PPP2R5C: variants seen among roughly 807,000 people sequenced by gnomAD.
PPP2R5C encodes protein phosphatase 2 regulatory subunit B'gamma, also known as serine/threonine-protein phosphatase 2A 56 kDa regulatory subunit gamma isoform.
In PPP2R5C, 7 loss-of-function variants were observed where a neutral mutation model predicts 68.9. That is an observed-to-expected ratio of 0.10 (90% CI 0.06 to 0.19). The LOEUF (loss-of-function observed/expected upper bound fraction) is 0.19. Among genes scored for constraint, PPP2R5C ranks in the 10% least tolerant of loss-of-function variants. The pLI, the probability that PPP2R5C is intolerant of heterozygous loss-of-function variation, is 1.00. For synonymous variants in PPP2R5C, 210 were observed against 222.2 expected, an observed-to-expected ratio of 0.95 and a Z score of 0.49; for missense variants, 348 against 641.3, an observed-to-expected ratio of 0.54 and a Z score of 4.94.
intron 5 of PPP2R5C, chr14:101,889,829 T>C (rs2044746334): frequency 2.6e-6 from 1 of 378,530 alleles, no homozygotes; most frequent in African/African-American, 2.1e-5. Context: ...TTGGCCTATG[T>C]TGAAATACAG....
At chr14:101,908,264 A>G (rs1566961287) in intron 10 of PPP2R5C, among the ~76,000 whole-genome samples, 1 of 152,258 alleles carries the variant, frequency 6.6e-6, no homozygotes, top group Non-Finnish European at 1.5e-5. Flanking sequence ...CCATGCTGAT[A>G]GCAGTGGAGG....
intron 5 of PPP2R5C, among the ~76,000 whole-genome samples, chr14:101,886,280 CAA>C (rs57167968): frequency 1.6e-3 from 168 of 103,918 alleles, no homozygotes; most frequent in Middle Eastern, 5.7e-3. Flanking sequence ...GACTCCGTCT[CAA>C]AAAAAAAAAA....
intron 2 of PPP2R5C, among the ~76,000 whole-genome samples, chr14:101,785,011 T>C (rs1466522945): frequency 6.6e-6 from 1 of 152,142 alleles, no homozygotes; most frequent in African/African-American, 2.4e-5. Context: ...CAGACTCTTC[T>C]CCACCTCTGC....
At chr14:101,924,511 C>G (rs1049868136) in intron 13 of PPP2R5C, among the ~76,000 whole-genome samples, 1 of 142,646 alleles carries the variant, frequency 7.0e-6, no homozygotes, top group Non-Finnish European at 1.5e-5. Context: ...GGTGCAATCT[C>G]GGCTCACTGC....
At chr14:101,857,703 C>A (rs191070204) in intron 2 of PPP2R5C, among the ~76,000 whole-genome samples, 2 of 152,308 alleles carry the variant, frequency 1.3e-5, no homozygotes, top group Non-Finnish European at 2.9e-5. Flanking sequence ...ATCCAGTTTT[C>A]TGTTGATTTT....
rs2044052569 is a variant in PPP2R5C, at chr14:101,879,950, T to C, written c.295-2211T>C. 6.6e-6 allele frequency among the ~76,000 whole-genome samples: 1 copy of C among 152,184 alleles called. No homozygotes were observed. The highest frequency in any genetic ancestry group is 2.1e-4 in the South Asian group (1 of 4,830). On this transcript the variant is annotated intron_variant, in intron 2 of 13. Transcript: ENST00000334743. The surrounding 1 kb of genome is among the most constrained non-coding windows in gnomAD (Gnocchi z 4.2). ...TGTGGCCTTTCCTTAATAGTTGAGC[T>C]TTTAGCATCTGCTTGTTCACGTCTG...
At chr14:101,883,101 A>G in intron 3 of PPP2R5C, 156 bp from the exon 6 acceptor site, 4 of 594,642 alleles carry the variant, frequency 6.7e-6, no homozygotes, top group Non-Finnish European at 1.2e-5. Context: ...ACCATTTATC[A>G]TTGAATTAAG....
intron 2 of PPP2R5C, among the ~76,000 whole-genome samples, chr14:101,768,615 A>G (rs1322322067): frequency 6.6e-6 from 1 of 151,990 alleles, no homozygotes; most frequent in Admixed American, 6.6e-5. Flanking sequence ...CCCTGCACGC[A>G]AGCTGTTCTG....
chr14:101,771,222 CGTGTGTGTGTGTGTGTGTGTGTGT>C (rs3993402), intron 2 of PPP2R5C, among the ~76,000 whole-genome samples: 1 of 135,396 alleles, frequency 7.4e-6, no homozygotes, highest in South Asian at 2.6e-4. Context: ...TTCTTCATCT[CGTGTGTGTGTGTGTGTGTGTGTGT>C]GTGTGTGTGT....
rs367983422 is a variant in PPP2R5C, at chr14:101,917,963, G to A, written c.1443+16G>A. 10 of 1,613,756 alleles carry A rather than the reference G, an allele frequency of 6.2e-6. No homozygotes were observed. The highest frequency in any genetic ancestry group is 3.3e-5 in the Admixed American group (2 of 60,002). On this transcript the variant is annotated intron_variant, in intron 13 of 13. Coordinates refer to ENST00000334743, the Ensembl canonical transcript of PPP2R5C. This position sits in a 1 kb window ranked among gnomAD's most constrained non-coding sequence, Gnocchi z 4.4. ...GGCTCATCAGGTAAAAGTGCACCGAGCTCAGCTGGGCACCCATGACTGATT... is the reference window on the plus strand; with the variant it reads ...GGCTCATCAGGTAAAAGTGCACCGAACTCAGCTGGGCACCCATGACTGATT...
chr14:101,867,529 G>A (rs2043153828), intron 2 of PPP2R5C, among the ~76,000 whole-genome samples: 1 of 152,196 alleles, frequency 6.6e-6, no homozygotes, highest in Non-Finnish European at 1.5e-5. Flanking sequence ...TGTAATCCCA[G>A]CACTTTGGGA....
intron 1 of PPP2R5C, among the ~76,000 whole-genome samples, chr14:101,822,232 G>T (rs1427893189): frequency 2.0e-5 from 3 of 152,026 alleles, no homozygotes; most frequent in Non-Finnish European, 4.4e-5. Context: ...CTCCAAATAA[G>T]TTACATTAAA....
intron 1 of PPP2R5C, among the ~76,000 whole-genome samples, chr14:101,826,135 A>G (rs2040386490): frequency 6.6e-6 from 1 of 152,082 alleles, no homozygotes; most frequent in Non-Finnish European, 1.5e-5. Context: ...CATTTGCAGC[A>G]CACGTTTTTA....
chr14:101,866,939 G>A (rs1037322370), intron 2 of PPP2R5C, among the ~76,000 whole-genome samples: 3 of 152,110 alleles, frequency 2.0e-5, no homozygotes, highest in East Asian at 1.9e-4. Context: ...TTTTTAGGCC[G>A]GGCACGGTGG....
chr14:101,916,219 T>A lies in PPP2R5C; in HGVS notation c.1327-1612T>A, dbSNP rs1446820335. Among the ~76,000 whole-genome samples the A allele has an allele frequency of 2.0e-5, 3 of 151,928 alleles. No homozygotes were observed. Among genetic ancestry groups the A allele is most frequent in the Non-Finnish European group, 4.4e-5 (3 of 67,990 alleles). ...GGTAGGGTGTGGAGATGTGTGGAGA[T>A]CGTGGTGCTGGGCGGAGCTGTGGGA... On this transcript the variant is annotated intron_variant, in intron 12 of 13. Coordinates refer to ENST00000334743, the Ensembl canonical transcript of PPP2R5C. This position sits in a 1 kb window ranked among gnomAD's most constrained non-coding sequence, Gnocchi z 5.5.
At chr14:101,875,863 G>A (rs750173480) in intron 2 of PPP2R5C, among the ~76,000 whole-genome samples, 9 of 151,968 alleles carry the variant, frequency 5.9e-5, no homozygotes, top group African/African-American at 1.4e-4. Flanking sequence ...CCGTTTTTTC[G>A]GGCATTCTTC....
chr14:101,875,547 CA>C (rs2043708056), intron 2 of PPP2R5C, among the ~76,000 whole-genome samples: 1 of 152,088 alleles, frequency 6.6e-6, no homozygotes, highest in Non-Finnish European at 1.5e-5. Flanking sequence ...TTACTCTCAG[CA>C]AGTGTTTGAG....
At chr14:101,866,830 A>C (rs2043098837) in intron 2 of PPP2R5C, among the ~76,000 whole-genome samples, 1 of 152,120 alleles carries the variant, frequency 6.6e-6, no homozygotes, top group Non-Finnish European at 1.5e-5. Flanking sequence ...CATGCCTATA[A>C]TCCAACTTTG....
At chr14:101,871,973 T>C (rs2043448527) in intron 2 of PPP2R5C, among the ~76,000 whole-genome samples, 1 of 152,148 alleles carries the variant, frequency 6.6e-6, no homozygotes. Flanking sequence ...TTTAAAGAAA[T>C]TTAAGTGATT....
Sources: allele counts gnomAD v4.1 joint callset (sites outside exome capture counted in the v4.1 genomes callset), GRCh38; gene constraint gnomAD v4.1.1; non-coding constraint Gnocchi (gnomAD v3.1); transcripts MANE v1.5; gene names NCBI Gene and HGNC (gene_info 2026-07-23, HGNC 2026-07-21).